Variants in SEMA3A observed in about 807,000 individuals in gnomAD.
SEMA3A encodes semaphorin-3A.
SEMA3A carries 29 observed loss-of-function variants against 97.9 expected under a neutral mutation model. That is an observed-to-expected ratio of 0.30 (90% confidence interval 0.22 to 0.40). The LOEUF is 0.40. SEMA3A is among the 10% of genes least tolerant of loss of function. The probability of loss-of-function intolerance (pLI) is 1.00; values close to 1 mark genes in which losing one functional copy is unlikely to be tolerated. For missense variants in SEMA3A, 763 were observed against 951.3 expected, an observed-to-expected ratio of 0.80 and a Z score of 2.60; for synonymous variants, 321 against 323.7, an observed-to-expected ratio of 0.99 and a Z score of 0.09.
chr7:84,038,218 G>T (rs1792011193), intron 6 of SEMA3A, among the ~76,000 whole-genome samples: 1 of 151,672 alleles, frequency 6.6e-6, no homozygotes, highest in African/African-American at 2.4e-5. Context: ...TCTAAGGAAA[G>T]GACATAGATC....
At chr7:84,220,381 T>C (rs1328600540) in intron 3 of SEMA3A, among the ~76,000 whole-genome samples, 2 of 152,148 alleles carry the variant, frequency 1.3e-5, no homozygotes, top group Non-Finnish European at 2.9e-5. Context: ...AATCGACTTC[T>C]TCCAAACTTG....
chr7:84,437,559 T>C (rs1217207936), intron 1 of SEMA3A, among the ~76,000 whole-genome samples: 2 of 150,718 alleles, frequency 1.3e-5, no homozygotes, highest in East Asian at 1.9e-4. Context: ...GACTTTCTAA[T>C]GCTGGCTTTT....
intron 1 of SEMA3A, among the ~76,000 whole-genome samples, chr7:84,479,181 TG>T (rs1385747518): frequency 6.6e-6 from 1 of 152,164 alleles, no homozygotes; most frequent in African/African-American, 2.4e-5. Context: ...GGGTCTGCTT[TG>T]GGGGATTGTA....
intron 2 of SEMA3A, among the ~76,000 whole-genome samples, chr7:84,326,578 T>C (rs1801780290): frequency 6.6e-6 from 1 of 152,076 alleles, no homozygotes; most frequent in African/African-American, 2.4e-5. Context: ...CATTTGATGA[T>C]TATTTTTATT....
At position 84,138,922 on chromosome 7, in the gene SEMA3A, AT is replaced by A. The variant is rs1231017573; in HGVS notation, c.113-3972del. Among the ~76,000 whole-genome samples the A allele has an allele frequency of 5.3e-5, 8 of 151,550 alleles. No homozygotes were observed. The South Asian group carries it at 1.0e-3, about 20-fold the overall frequency. On this transcript the variant is annotated intron_variant, in intron 1 of 16. Transcript: ENST00000265362. ...AGAAACATGGGTTAAAATCAGACACATTTTTTTTTCCAAATCTAGTTCTCAG... is the reference window on the plus strand; with the variant it reads ...AGAAACATGGGTTAAAATCAGACACATTTTTTTTCCAAATCTAGTTCTCAG...
intron 1 of SEMA3A, among the ~76,000 whole-genome samples, chr7:84,151,042 A>T (rs1796643660): frequency 6.7e-6 from 1 of 150,206 alleles, no homozygotes; most frequent in Admixed American, 6.7e-5. Context: ...TTCTGTTAGA[A>T]GGAAAACTAA....
At chr7:84,200,411 T>C (rs777040111) in intron 3 of SEMA3A, among the ~76,000 whole-genome samples, 12 of 152,054 alleles carry the variant, frequency 7.9e-5, no homozygotes, top group Non-Finnish European at 1.8e-4. Flanking sequence ...GTCTTTTCCC[T>C]GAGAGTTTGA....
chr7:84,286,119 T>A (rs1480398390), intron 3 of SEMA3A, among the ~76,000 whole-genome samples: 1 of 152,100 alleles, frequency 6.6e-6, no homozygotes, highest in African/African-American at 2.4e-5. Flanking sequence ...TGTTAAAAAA[T>A]TTTAAAATTC....
At chr7:84,002,988 C>T (rs1790522167) in intron 11 of SEMA3A, among the ~76,000 whole-genome samples, 1 of 152,124 alleles carries the variant, frequency 6.6e-6, no homozygotes, top group Admixed American at 6.6e-5. Flanking sequence ...AAAACTTTTA[C>T]TCTTCAACCT....
Position 84,115,696 on chromosome 7 carries a change from C to T in SEMA3A, c.334-5107G>A, listed in dbSNP as rs915799671. Among the ~76,000 whole-genome samples, 6 of 152,090 alleles carry T rather than the reference C, an allele frequency of 3.9e-5. 1 individual carries two copies. Among genetic ancestry groups the T allele is most frequent in the South Asian group, 4.1e-4 (2 of 4,830 alleles). On this transcript the variant is annotated intron_variant, in intron 3 of 16. Coordinates refer to ENST00000265362, the MANE Select transcript of SEMA3A (RefSeq NM_006080.3). The stretch of plus-strand genomic sequence containing the variant: ...TGTACCTAGCATAACCTTTCTTCAC[C>T]TCATATTGCAATAAATGCAGACAAT...
rs1036106416 is a variant in SEMA3A, at chr7:84,192,135, G to A, written c.112+2340C>T. 3.3e-4 allele frequency among the ~76,000 whole-genome samples: 50 copies of A among 151,850 alleles called. 1 individual carries two copies. Among genetic ancestry groups the A allele is most frequent in the African/African-American group, 1.1e-3 (45 of 41,384 alleles). ...GGTTGGCAGGGATTTAACTCTTCAT[G>A]AATCATGCTGGAATATTTTTAAGGG... On this transcript the variant is annotated intron_variant, in intron 1 of 16. Coordinates refer to ENST00000265362, the MANE Select transcript of SEMA3A (RefSeq NM_006080.3).
intron 3 of SEMA3A, 114 bp from the exon 4 acceptor site, chr7:84,110,703 T>G: frequency 2.5e-6 from 3 of 1,192,362 alleles, no homozygotes; most frequent in East Asian, 2.4e-5. Context: ...CTTTTTTTTT[T>G]TTTGGCATCC....
rs1291867474 is a variant in SEMA3A at position 84,367,521 on chromosome 7, C to T, written c.-169+4303G>A. Among the ~76,000 whole-genome samples, 3 of 149,826 alleles carry T rather than the reference C, an allele frequency of 2.0e-5. No homozygotes were observed. The Admixed American group carries it at 2.0e-4, about 10-fold the overall frequency. ...TCTTGATATTCAAATGACAGATTTG[C>T]CACAGATGATCAGAAAAGATGGTGA... On this transcript the variant is annotated intron_variant, in intron 2 of 3. Transcript: ENST00000424555.
chr7:84,083,051 A>G, intron 4 of SEMA3A, among the ~76,000 whole-genome samples: 1 of 151,880 alleles, frequency 6.6e-6, no homozygotes. Context: ...TTAAAACCTT[A>G]GATTGTCAAA....
chr7:84,367,610 G>A (rs2116088935), intron 2 of SEMA3A, among the ~76,000 whole-genome samples: 1 of 150,624 alleles, frequency 6.6e-6, no homozygotes, highest in South Asian at 2.1e-4. Context: ...TGTGAGTTGA[G>A]GCTTAACAAG....
At chr7:84,463,337 C>T (rs1805907975) in intron 1 of SEMA3A, among the ~76,000 whole-genome samples, 1 of 150,060 alleles carries the variant, frequency 6.7e-6, no homozygotes, top group African/African-American at 2.5e-5. Context: ...CAACCTCCGC[C>T]TCCCGGGTTC....
chr7:84,291,913 G>C (rs1029062061), intron 3 of SEMA3A, among the ~76,000 whole-genome samples: 1 of 152,138 alleles, frequency 6.6e-6, no homozygotes, highest in Non-Finnish European at 1.5e-5. Context: ...AGCCACAGCT[G>C]TGCTGTAATC....
At chr7:84,250,176 T>A (rs1209102161) in intron 3 of SEMA3A, among the ~76,000 whole-genome samples, 1 of 151,924 alleles carries the variant, frequency 6.6e-6, no homozygotes, top group Non-Finnish European at 1.5e-5. Flanking sequence ...AACATATAAT[T>A]AGGCATAAAA....
intron 1 of SEMA3A, among the ~76,000 whole-genome samples, chr7:84,429,516 T>TTATA (rs10523978): frequency 0.042 from 3,066 of 72,280 alleles, 152 homozygotes; most frequent in South Asian, 0.073. Context: ...ATAGAGTTTG[T>TTATA]TATATATATA....
Sources: gnomAD v4.1 joint callset for allele counts (sites outside exome capture counted in the v4.1 genomes callset) on GRCh38, gnomAD v4.1.1 for gene constraint, MANE v1.5 for transcripts, NCBI Gene and HGNC (gene_info 2026-07-23, HGNC 2026-07-21) for gene names.